The following NMNAT1 variants were observed in gnomAD, a reference collection of about 807,000 sequenced individuals.
NMNAT1 encodes the protein nicotinamide nucleotide adenylyltransferase 1, also known as nicotinamide/nicotinic acid mononucleotide adenylyltransferase 1.
NMNAT1 carries 11 observed loss-of-function variants against 16.7 expected under a neutral mutation model. The observed-to-expected ratio is 0.66, with a 90% CI of 0.41 to 1.09. The LOEUF is 1.09. Among genes scored for constraint, NMNAT1 ranks in the 50% least tolerant of loss-of-function variants. The pLI, the probability that NMNAT1 is intolerant of heterozygous loss-of-function variation, is 0.00. For missense variants in NMNAT1, 280 were observed against 332.3 expected, an observed-to-expected ratio of 0.84 and a Z score of 1.22; for synonymous variants, 110 against 119.8, an observed-to-expected ratio of 0.92 and a Z score of 0.53.
At chr1:9,987,588 C>T (rs1468501840), downstream of NMNAT1, among the ~76,000 whole-genome samples, 3 of 151,658 alleles carry the variant, frequency 2.0e-5, no homozygotes, top group African/African-American at 7.3e-5. Flanking sequence ...TTCAGTGAGC[C>T]GAGATTGTGC....
At chr1:9,953,615 A>C (rs1421920445) in intron 1 of NMNAT1, among the ~76,000 whole-genome samples, 1 of 150,900 alleles carries the variant, frequency 6.6e-6, no homozygotes, top group Non-Finnish European at 1.5e-5. Flanking sequence ...TAATTTTTGT[A>C]TTTTTAGTAG....
At chr1:9,991,685 C>G in the NMNAT1 span, among the ~76,000 whole-genome samples, 1 of 151,766 alleles carries the variant, frequency 6.6e-6, no homozygotes, top group African/African-American at 2.4e-5. Context: ...TGGGCTCTGC[C>G]CTGGAAAGCT....
At chr1:9,975,527 G>T (rs548087621) in intron 2 of NMNAT1, 65 bp from the exon 3 acceptor site, 2 of 1,238,048 alleles carry the variant, frequency 1.6e-6, no homozygotes, top group African/African-American at 3.0e-5. Context: ...AATATTGATC[G>T]TAATATTTCC....
intron 1 of NMNAT1, among the ~76,000 whole-genome samples, chr1:9,948,582 G>A (rs1254676819): frequency 6.6e-6 from 1 of 151,904 alleles, no homozygotes; most frequent in East Asian, 1.9e-4. Context: ...TCAAAATGAA[G>A]TGGTATCCAG....
intron 3 of NMNAT1, among the ~76,000 whole-genome samples, chr1:9,977,063 C>T (rs1214173404): frequency 4.6e-5 from 7 of 151,670 alleles, no homozygotes; most frequent in African/African-American, 1.2e-4. Flanking sequence ...CCTGCCACCA[C>T]GCCCGGCTAA....
chr1:9,944,870 G>A (rs1640932789), intron 1 of NMNAT1, among the ~76,000 whole-genome samples: 1 of 152,204 alleles, frequency 6.6e-6, no homozygotes, highest in African/African-American at 2.4e-5. Context: ...AGAGAAGACT[G>A]TTGACACACT....
chr1:9,943,767 T>C (rs1347473402), intron 1 of NMNAT1, among the ~76,000 whole-genome samples: 2 of 152,220 alleles, frequency 1.3e-5, no homozygotes, highest in African/African-American at 4.8e-5. Context: ...TAGAAGAGTC[T>C]TGAGGTCTGG....
intron 1 of NMNAT1, among the ~76,000 whole-genome samples, chr1:9,963,107 C>T (rs967642306): frequency 2.6e-5 from 4 of 151,500 alleles, no homozygotes; most frequent in African/African-American, 9.7e-5. Flanking sequence ...AACTCCTTAG[C>T]TATGAGAGGG....
intron 1 of NMNAT1, 43 bp from the exon 2 acceptor site, chr1:9,971,975 A>G: frequency 1.4e-6 from 1 of 740,514 alleles, no homozygotes; most frequent in Admixed American, 2.0e-5. Context: ...ATCTTAGGGA[A>G]AAAAAAATGC....
intron 1 of NMNAT1, among the ~76,000 whole-genome samples, chr1:9,968,301 T>C (rs2101684621): frequency 6.6e-6 from 1 of 151,484 alleles, no homozygotes; most frequent in South Asian, 2.1e-4. Context: ...CTCGATCTCC[T>C]GACCTCGTGA....
downstream of NMNAT1, among the ~76,000 whole-genome samples, chr1:9,987,320 C>A (rs554172315): frequency 1.3e-4 from 20 of 152,202 alleles, no homozygotes; most frequent in South Asian, 4.1e-3. Context: ...CAGAGTGAGA[C>A]CCTGTGTCTA....
chr1:9,971,920 T>C (rs1466218622), intron 1 of NMNAT1, 98 bp from the exon 2 acceptor site: 1 of 600,630 alleles, frequency 1.7e-6, no homozygotes, highest in Non-Finnish European at 3.0e-6. Context: ...CAGTCAGCTG[T>C]GGTTGCATCA....
chr1:9,944,422 C>A (rs1640916712), intron 1 of NMNAT1, among the ~76,000 whole-genome samples: 2 of 152,154 alleles, frequency 1.3e-5, no homozygotes, highest in African/African-American at 4.8e-5. Flanking sequence ...CTGGTTGGAA[C>A]TATTTAATGA....
rs1051009538 is a variant in NMNAT1, at chr1:9,981,317, C to T, written c.439+147C>T. 3 of 1,296,772 alleles carry T rather than the reference C, an allele frequency of 2.3e-6. No homozygotes were observed. In the South Asian group the frequency reaches 4.6e-5, roughly 20 times the overall value. The allele number at this position is 1,296,772 out of a possible 1,614,324, so 80.3% of individuals were successfully genotyped here. On this transcript the variant is annotated intron_variant, in intron 4 of 4. Coordinates refer to ENST00000377205, the MANE Select transcript of NMNAT1 (RefSeq NM_022787.4). ...TGGCATGATCTCAGCTCACTGCAAGCTCTGCCTCCTGGGTTCATGCCATTC... is the reference window on the plus strand; with the variant it reads ...TGGCATGATCTCAGCTCACTGCAAGTTCTGCCTCCTGGGTTCATGCCATTC...
chr1:9,982,743 C>G lies in NMNAT1; in HGVS notation c.*42C>G, dbSNP rs1641976716. 2.6e-6 allele frequency: 4 copies of G among 1,531,094 alleles called. No individual in the cohort carries two copies. The African/African-American group carries it at 4.1e-5, about 16-fold the overall frequency. 94.8% of individuals were successfully genotyped at this position (1,531,094 alleles called of 1,614,324 possible). A position where few individuals can be genotyped will look rare whatever the true frequency, so the allele number is the denominator to read the frequency against. ...TATTTCAGACTTCCCATTTGGGGAT[C>G]TGAAACAATCTGGGAGTTAATAACT... On this transcript the variant is annotated 3_prime_UTR_variant, in exon 5 of 5. Coordinates refer to ENST00000377205, the MANE Select transcript of NMNAT1 (RefSeq NM_022787.4).
intron 1 of NMNAT1, among the ~76,000 whole-genome samples, chr1:9,948,497 C>T (rs1220028013): frequency 1.3e-5 from 2 of 151,974 alleles, no homozygotes; most frequent in Non-Finnish European, 2.9e-5. Flanking sequence ...GGGAGGATGG[C>T]TTGAGTCCGG....
chr1:9,970,645 C>T (rs193292130), intron 1 of NMNAT1, among the ~76,000 whole-genome samples: 11 of 150,434 alleles, frequency 7.3e-5, no homozygotes, highest in Admixed American at 3.3e-4. Flanking sequence ...GCTGAGATCG[C>T]GCCAATGCAC....
intron 1 of NMNAT1, chr1:9,967,493 A>G (rs1018320856): frequency 6.6e-6 from 1 of 152,336 alleles, no homozygotes; most frequent in African/African-American, 2.4e-5. Flanking sequence ...AGAAATAAAT[A>G]GGGGATCTAA....
At chr1:9,955,631 A>G (rs142948160) in intron 1 of NMNAT1, among the ~76,000 whole-genome samples, 2 of 152,190 alleles carry the variant, frequency 1.3e-5, no homozygotes, top group East Asian at 3.9e-4. Context: ...AAAACAACTA[A>G]AAGAGATACT....
Sources: allele counts gnomAD v4.1 joint callset (sites outside exome capture counted in the v4.1 genomes callset), GRCh38; gene constraint gnomAD v4.1.1; transcripts MANE v1.5; gene names NCBI Gene and HGNC (gene_info 2026-07-23, HGNC 2026-07-21).